The following IQCH variants were observed in gnomAD, a reference collection of about 807,000 sequenced individuals.
IQCH encodes the protein IQ domain-containing protein H.
In IQCH, 98 loss-of-function variants were observed where a neutral mutation model predicts 117.0. The ratio of observed to expected loss-of-function variants is 0.84; its 90% CI spans 0.71 to 0.99. The LOEUF (loss-of-function observed/expected upper bound fraction) is 0.99, where lower values mean the gene tolerates loss of function less well. Among genes scored for constraint, IQCH ranks in the 50% least tolerant of loss-of-function variants. The pLI is 0.00. For synonymous variants in IQCH, 412 were observed against 448.2 expected, an observed-to-expected ratio of 0.92 and a Z score of 1.02; for missense variants, 1,102 against 1,243.8, an observed-to-expected ratio of 0.89 and a Z score of 1.72.
Position 67,404,623 on chromosome 15 carries a change from A to G in IQCH, c.2097+4318A>G, listed in dbSNP as rs1971811685. Reference sequence around the variant, plus strand: ...GCAGTATTTCTTTCTCATAGCTACAATAATAGTGTATATGCTAGTTAAACA... The same window carrying G: ...GCAGTATTTCTTTCTCATAGCTACAGTAATAGTGTATATGCTAGTTAAACA... On this transcript the variant is annotated intron_variant, in intron 14 of 20. Coordinates refer to ENST00000335894, the MANE Select transcript of IQCH (RefSeq NM_001031715.3). The surrounding 1 kb of genome is among the most constrained non-coding windows in gnomAD (Gnocchi z 4.6). 2 of 152,232 alleles carry G rather than the reference A, an allele frequency of 1.3e-5. No individual in the cohort carries two copies. Among genetic ancestry groups the G allele is most frequent in the Admixed American group, 6.5e-5 (1 of 15,278 alleles). The allele number at this position is 152,232 out of a possible 1,614,324, so 9.4% of individuals were successfully genotyped here.
chr15:67,421,824 C>T (rs550849320), intron 16 of IQCH, among the ~76,000 whole-genome samples: 5 of 152,244 alleles, frequency 3.3e-5, no homozygotes, highest in African/African-American at 1.2e-4. Flanking sequence ...TGAGGCCAGG[C>T]ACAGTGGCTT....
chr15:67,375,308 T>G (rs1191483032), intron 10 of IQCH, among the ~76,000 whole-genome samples: 2 of 152,078 alleles, frequency 1.3e-5, no homozygotes, highest in African/African-American at 4.8e-5. Flanking sequence ...AGGCCTGTAG[T>G]CCTTCTACTG....
chr15:67,332,792 C>T (rs1246021287), intron 4 of IQCH, among the ~76,000 whole-genome samples: 1 of 152,124 alleles, frequency 6.6e-6, no homozygotes, highest in Non-Finnish European at 1.5e-5. Flanking sequence ...GTAAATAGAT[C>T]TAAACATTTT....
chr15:67,419,082 G>T (rs1224928665), intron 15 of IQCH, among the ~76,000 whole-genome samples: 1 of 152,096 alleles, frequency 6.6e-6, no homozygotes, highest in Non-Finnish European at 1.5e-5. Flanking sequence ...ACAAGCTAAG[G>T]CTTCACCTCT....
chr15:67,421,172 A>C, intron 15 of IQCH, 119 bp from the exon 16 acceptor site: 1 of 751,980 alleles, frequency 1.3e-6, no homozygotes, highest in Non-Finnish European at 2.1e-6. Flanking sequence ...AAGAAAAATA[A>C]GTTCAGAGAA....
chr15:67,330,226 C>G (rs949614875), intron 4 of IQCH, among the ~76,000 whole-genome samples: 4 of 152,164 alleles, frequency 2.6e-5, no homozygotes, highest in Non-Finnish European at 5.9e-5. Context: ...TTTGCCATAC[C>G]TGCCATTCTT....
At chr15:67,285,201 A>G (rs932190130) in intron 4 of IQCH, among the ~76,000 whole-genome samples, 1 of 152,164 alleles carries the variant, frequency 6.6e-6, no homozygotes, top group Non-Finnish European at 1.5e-5. Flanking sequence ...CATTTCTCTA[A>G]TAATCAGTGA....
At chr15:67,288,354 C>T (rs1425605099) in intron 4 of IQCH, among the ~76,000 whole-genome samples, 2 of 152,056 alleles carry the variant, frequency 1.3e-5, no homozygotes, top group African/African-American at 4.8e-5. Flanking sequence ...TTGAAGTCTC[C>T]AGCTCTTACT....
At chr15:67,276,836 C>T (rs993747804) in intron 3 of IQCH, among the ~76,000 whole-genome samples, 2 of 151,956 alleles carry the variant, frequency 1.3e-5, no homozygotes, top group African/African-American at 4.8e-5. Flanking sequence ...GGTCAGTGTT[C>T]TCTGAAATTC....
chr15:67,422,976 C>T lies in IQCH; in HGVS notation c.2505+1399C>T, dbSNP rs978358230. 6.6e-6 allele frequency among the ~76,000 whole-genome samples: 1 copy of T among 152,222 alleles called. No homozygotes were observed. The highest frequency in any genetic ancestry group is 1.9e-4 in the East Asian group (1 of 5,198). On this transcript the variant is annotated intron_variant, in intron 16 of 20. Transcript: ENST00000335894. This position sits in a 1 kb window ranked among gnomAD's most constrained non-coding sequence, Gnocchi z 4.7. ...TTGGTTGTTTTAGGATCATTATTCT[C>T]AGTTTTACAGTTCTCCATTTCAGTC...
chr15:67,353,517 G>A (rs1326471534), intron 6 of IQCH, among the ~76,000 whole-genome samples: 6 of 151,754 alleles, frequency 4.0e-5, no homozygotes, highest in Non-Finnish European at 5.9e-5. Flanking sequence ...GCGCCACCAC[G>A]CCCGGCTAAT....
In IQCH at chr15:67,417,308, CT is replaced by C; in HGVS notation, c.2218+258del. 6.6e-6 allele frequency among the ~76,000 whole-genome samples: 1 copy of C among 152,158 alleles called. No homozygotes were observed. On this transcript the variant is annotated intron_variant, in intron 15 of 20. Transcript: ENST00000335894. This position sits in a 1 kb window ranked among gnomAD's most constrained non-coding sequence, Gnocchi z 4.3. ...CCTTTTTTTACACTACAAACTTCTC[CT>C]GAGAGGTGGGCTTTGGAATCAGATT...
At chr15:67,338,366 A>T (rs1968995508) in intron 5 of IQCH, among the ~76,000 whole-genome samples, 1 of 152,194 alleles carries the variant, frequency 6.6e-6, no homozygotes, top group Admixed American at 6.5e-5. Flanking sequence ...AATTATCTTC[A>T]TGAGAACACA....
Position 67,465,444 on chromosome 15 carries a change from G to T in IQCH, c.2676+147G>T. The T allele has an allele frequency of 1.3e-6, 1 of 796,916 alleles. No homozygotes were observed. Among genetic ancestry groups the T allele is most frequent in the Non-Finnish European group, 1.9e-6 (1 of 513,982 alleles). The allele number at this position is 796,916 out of a possible 1,614,324, so 49.4% of individuals were successfully genotyped here. A position where few individuals can be genotyped will look rare whatever the true frequency, so the allele number is the denominator to read the frequency against. ...ATTGGACTTGTCTGAGCAGGGTCTG[G>T]AAATGCGAATGTGTTGGTCAGAGGA... On this transcript the variant is annotated intron_variant, in intron 17 of 20. Coordinates refer to ENST00000335894, the MANE Select transcript of IQCH (RefSeq NM_001031715.3). This position sits in a 1 kb window ranked among gnomAD's most constrained non-coding sequence, Gnocchi z 5.9.
At chr15:67,255,274 A>T in intron 1 of IQCH, 1 of 368,740 alleles carries the variant, frequency 2.7e-6, no homozygotes, top group Non-Finnish European at 5.0e-6. Context: ...AAAAATTTGA[A>T]CCCATGACGT....
rs36050088 is a variant in IQCH at position 67,474,067 on chromosome 15, AGTGTGTGTGTGTGT to A, written c.2677-1605_2677-1592del. On this transcript the variant is annotated intron_variant, in intron 17 of 20. Coordinates refer to ENST00000335894, the MANE Select transcript of IQCH (RefSeq NM_001031715.3). This position sits in a 1 kb window ranked among gnomAD's most constrained non-coding sequence, Gnocchi z 4.1. ...GTCACCAAAAGTGCCACGAAATCTG[AGTGTGTGTGTGTGT>A]GTGTGTGTGTGTGTGTGTGTGTGGA... Among the ~76,000 whole-genome samples the A allele has an allele frequency of 3.4e-3, 467 of 138,314 alleles. 3 individuals are homozygous for A. The highest frequency in any genetic ancestry group is 0.012 in the African/African-American group (446 of 37,074). The allele number at this position is 138,314 out of a possible 152,430, so 90.7% of individuals were successfully genotyped here. A position where few individuals can be genotyped will look rare whatever the true frequency, so the allele number is the denominator to read the frequency against.
At chr15:67,362,630 T>G (rs1464924969) in intron 8 of IQCH, among the ~76,000 whole-genome samples, 2 of 152,188 alleles carry the variant, frequency 1.3e-5, no homozygotes, top group Non-Finnish European at 2.9e-5. Context: ...AAAAGGAGAT[T>G]GGATCAAATC....
chr15:67,433,061 G>C lies in IQCH; in HGVS notation c.2505+11484G>C, dbSNP rs561113368. Among the ~76,000 whole-genome samples the C allele has an allele frequency of 1.9e-4, 29 of 152,302 alleles. No homozygotes were observed. Among genetic ancestry groups the C allele is most frequent in the Middle Eastern group, 6.8e-3 (2 of 294 alleles). ...ATGTAATACGCCTTTGGTATTAACA[G>C]AAGTACCTATTATTCAGTGTTTTAA... On this transcript the variant is annotated intron_variant, in intron 16 of 20. Coordinates refer to ENST00000335894, the MANE Select transcript of IQCH (RefSeq NM_001031715.3). This position sits in a 1 kb window ranked among gnomAD's most constrained non-coding sequence, Gnocchi z 5.4.
At chr15:67,429,557 G>GA (rs1484653092) in intron 16 of IQCH, among the ~76,000 whole-genome samples, 6 of 152,096 alleles carry the variant, frequency 3.9e-5, no homozygotes, top group Admixed American at 6.6e-5. Context: ...TTTCTAATCA[G>GA]AAAAAAATAC....
Sources: gnomAD v4.1 joint callset for allele counts (sites outside exome capture counted in the v4.1 genomes callset) on GRCh38, gnomAD v4.1.1 for gene constraint, Gnocchi (gnomAD v3.1) non-coding constraint, MANE v1.5 for transcripts, NCBI Gene and HGNC (gene_info 2026-07-23, HGNC 2026-07-21) for gene names.